The following NOS1AP variants were observed in gnomAD, a reference collection of about 807,000 sequenced individuals.
NOS1AP encodes carboxyl-terminal PDZ ligand of neuronal nitric oxide synthase protein.
In NOS1AP, 21 loss-of-function variants were observed where a neutral mutation model predicts 56.2. The observed-to-expected ratio is 0.37, with a 90% CI of 0.26 to 0.54. The LOEUF (loss-of-function observed/expected upper bound fraction) is 0.54, where lower values mean the gene tolerates loss of function less well. Among genes scored for constraint, NOS1AP ranks in the 20% least tolerant of loss-of-function variants. NOS1AP has a pLI of 0.84. For missense variants in NOS1AP, 522 were observed against 657.8 expected, an observed-to-expected ratio of 0.79 and a Z score of 2.26; for synonymous variants, 270 against 274.6, an observed-to-expected ratio of 0.98 and a Z score of 0.17.
chr1:162,301,201 G>A (rs915385340), intron 4 of NOS1AP, among the ~76,000 whole-genome samples: 3 of 152,108 alleles, frequency 2.0e-5, no homozygotes, highest in African/African-American at 7.2e-5. Flanking sequence ...AAATTTGTAT[G>A]TTGAAATCCT....
At chr1:162,139,836 T>C (rs911135606) in intron 1 of NOS1AP, among the ~76,000 whole-genome samples, 1 of 152,150 alleles carries the variant, frequency 6.6e-6, no homozygotes, top group Admixed American at 6.5e-5. Context: ...GTCTTACTTT[T>C]TTTTTTTCTT....
At chr1:162,131,849 A>G (rs1451374107) in intron 1 of NOS1AP, among the ~76,000 whole-genome samples, 1 of 152,184 alleles carries the variant, frequency 6.6e-6, no homozygotes. Flanking sequence ...GTCTGGCATT[A>G]TTCCCTGTAC....
intron 2 of NOS1AP, among the ~76,000 whole-genome samples, chr1:162,247,718 T>C (rs1268657280): frequency 1.1e-4 from 16 of 152,144 alleles, no homozygotes; most frequent in African/African-American, 3.6e-4. Context: ...CCTCCTTCCA[T>C]ACCTACTGTG....
intron 1 of NOS1AP, among the ~76,000 whole-genome samples, chr1:162,125,886 G>C (rs1201596368): frequency 6.6e-6 from 1 of 151,984 alleles, no homozygotes; most frequent in African/African-American, 2.4e-5. Flanking sequence ...TCATGATATT[G>C]ATTTTTTCCA....
intron 2 of NOS1AP, among the ~76,000 whole-genome samples, chr1:162,284,291 C>A (rs1187556935): frequency 6.6e-6 from 1 of 152,144 alleles, no homozygotes; most frequent in Non-Finnish European, 1.5e-5. Context: ...CTTTTATTTT[C>A]CTAGTTTCCA....
At chr1:162,217,366 C>T (rs1341507976) in intron 2 of NOS1AP, among the ~76,000 whole-genome samples, 1 of 150,280 alleles carries the variant, frequency 6.7e-6, no homozygotes, top group Non-Finnish European at 1.5e-5. Context: ...TGGGTTCAAG[C>T]GATTCTCCTG....
chr1:162,082,164 C>A (rs974647555), intron 1 of NOS1AP, among the ~76,000 whole-genome samples: 4 of 147,468 alleles, frequency 2.7e-5, no homozygotes, highest in Non-Finnish European at 4.5e-5. Flanking sequence ...ATTTAGCTCC[C>A]ACTTATAAGT....
At position 162,330,156 on chromosome 1, in the gene NOS1AP, A is replaced by G. The variant is rs147415825; in HGVS notation, c.345-2861A>G. On this transcript the variant is annotated intron_variant, in intron 4 of 9. Coordinates refer to ENST00000361897, the MANE Select transcript of NOS1AP (RefSeq NM_014697.3). ...TATTACATAAGAATAAGTTAACTAAAGAATCCAAGAAGTTTTACGTATGAT... is the reference window on the plus strand; with the variant it reads ...TATTACATAAGAATAAGTTAACTAAGGAATCCAAGAAGTTTTACGTATGAT... Among the ~76,000 whole-genome samples, 1,022 of 152,378 alleles carry G rather than the reference A, an allele frequency of 6.7e-3. 10 individuals are homozygous for G. The highest frequency in any genetic ancestry group is 0.023 in the African/African-American group (976 of 41,592).
chr1:162,168,984 C>A (rs17423132), intron 2 of NOS1AP, among the ~76,000 whole-genome samples: 5,385 of 152,272 alleles, frequency 0.035, 138 homozygotes, highest in Non-Finnish European at 0.049. Context: ...GATTCCGTCT[C>A]CCTCAGAGAG....
intron 1 of NOS1AP, among the ~76,000 whole-genome samples, chr1:162,129,432 G>A (rs982786329): frequency 2.0e-5 from 3 of 152,136 alleles, no homozygotes; most frequent in Non-Finnish European, 2.9e-5. Flanking sequence ...CCTGCCCTGC[G>A]TCACACAATG....
At chr1:162,349,771 T>C (rs980596311) in intron 6 of NOS1AP, among the ~76,000 whole-genome samples, 5 of 152,180 alleles carry the variant, frequency 3.3e-5, no homozygotes, top group African/African-American at 4.8e-5. Context: ...GCCTCTCCAG[T>C]ACTGATTTTA....
intron 8 of NOS1AP, chr1:162,363,781 A>G: frequency 1.0e-6 from 1 of 985,214 alleles, no homozygotes; most frequent in South Asian, 4.7e-5. Flanking sequence ...ACCTGTTCTC[A>G]CCCCTCCCCA....
intron 2 of NOS1AP, among the ~76,000 whole-genome samples, chr1:162,231,004 C>A (rs1386694845): frequency 1.3e-5 from 2 of 152,070 alleles, no homozygotes; most frequent in East Asian, 1.9e-4. Context: ...TGGATATATA[C>A]CCAGAAGTAG....
intron 4 of NOS1AP, among the ~76,000 whole-genome samples, chr1:162,303,003 C>A (rs1226714044): frequency 6.6e-6 from 1 of 152,172 alleles, no homozygotes; most frequent in Non-Finnish European, 1.5e-5. Flanking sequence ...ATCAGCAGTT[C>A]ATCCCTTTTT....
At chr1:162,163,430 A>G (rs1182670949) in intron 2 of NOS1AP, among the ~76,000 whole-genome samples, 6 of 152,182 alleles carry the variant, frequency 3.9e-5, no homozygotes, top group African/African-American at 1.4e-4. Flanking sequence ...ATTTGAAAAA[A>G]TAAATTGACT....
chr1:162,319,539 G>A (rs1656343541), intron 4 of NOS1AP, among the ~76,000 whole-genome samples: 1 of 151,974 alleles, frequency 6.6e-6, no homozygotes, highest in South Asian at 2.1e-4. Flanking sequence ...CCTGTACCCA[G>A]GCAAACTGTG....
At chr1:162,303,904 C>CTTTTTTTTTTTTTTTTTTTTTATTTTTG (rs1655738193) in intron 4 of NOS1AP, among the ~76,000 whole-genome samples, 1 of 110,724 alleles carries the variant, frequency 9.0e-6, no homozygotes, top group Non-Finnish European at 1.8e-5. Context: ...TCTGGCTTGT[C>CTTTTTTTTTTTTTTTTTTTTTATTTTTG]TTTTTTTTTT....
At chr1:162,120,641 A>C (rs1319692603) in intron 1 of NOS1AP, among the ~76,000 whole-genome samples, 1 of 152,184 alleles carries the variant, frequency 6.6e-6, no homozygotes, top group Non-Finnish European at 1.5e-5. Flanking sequence ...AAAGCATCAG[A>C]TCTCGTGACA....
At chr1:162,178,414 G>A (rs1651138609) in intron 2 of NOS1AP, among the ~76,000 whole-genome samples, 1 of 152,140 alleles carries the variant, frequency 6.6e-6, no homozygotes, top group Non-Finnish European at 1.5e-5. Flanking sequence ...GATTAGTTTT[G>A]TATTATTTTA....
Sources: allele counts gnomAD v4.1 joint callset (sites outside exome capture counted in the v4.1 genomes callset), GRCh38; gene constraint gnomAD v4.1.1; transcripts MANE v1.5; gene names NCBI Gene and HGNC (gene_info 2026-07-23, HGNC 2026-07-21).